The following CUL5 variants were observed in gnomAD, a reference collection of about 807,000 sequenced individuals.
CUL5 encodes the protein cullin-5.
Under a neutral mutation model 108.8 loss-of-function variants are expected in CUL5, and 26 were observed. The ratio of observed to expected loss-of-function variants is 0.24; its 90% CI spans 0.18 to 0.33. CUL5 has a LOEUF of 0.33. CUL5 is among the 10% of genes least tolerant of loss of function. The pLI is 1.00. For missense variants in CUL5, 524 were observed against 909.2 expected, an observed-to-expected ratio of 0.58 and a Z score of 5.45; for synonymous variants, 334 against 298.0, an observed-to-expected ratio of 1.12 and a Z score of -1.25.
chr11:108,018,415 C>T (rs551069757), intron 1 of CUL5, among the ~76,000 whole-genome samples: 1 of 152,004 alleles, frequency 6.6e-6, no homozygotes, highest in African/African-American at 2.4e-5. Context: ...GCCTATAATC[C>T]CAGCACTTTG....
chr11:108,040,256 G>A (rs757607474), intron 2 of CUL5, among the ~76,000 whole-genome samples: 6 of 152,154 alleles, frequency 3.9e-5, no homozygotes, highest in Non-Finnish European at 8.8e-5. Context: ...GAGGCTGGAG[G>A]ATTGCTTGAG....
intron 5 of CUL5, among the ~76,000 whole-genome samples, chr11:108,054,319 G>A (rs1023982119): frequency 6.6e-5 from 10 of 151,982 alleles, no homozygotes; most frequent in African/African-American, 1.7e-4. Context: ...ACTAATCTCC[G>A]TTTATGCAAA....
At chr11:108,096,663 T>C (rs1461360699) in intron 16 of CUL5, among the ~76,000 whole-genome samples, 1 of 147,656 alleles carries the variant, frequency 6.8e-6, no homozygotes, top group African/African-American at 2.5e-5. Flanking sequence ...GCCTCCAGGG[T>C]TTAAGCGATT....
At chr11:108,077,808 AGTG>A (rs1447301306) in intron 10 of CUL5, among the ~76,000 whole-genome samples, 1 of 151,880 alleles carries the variant, frequency 6.6e-6, no homozygotes, top group African/African-American at 2.4e-5. Context: ...AGCCTGATGT[AGTG>A]GTGGGCACCT....
intron 11 of CUL5, among the ~76,000 whole-genome samples, chr11:108,085,545 A>G (rs1465365705): frequency 6.6e-6 from 1 of 152,236 alleles, no homozygotes; most frequent in Non-Finnish European, 1.5e-5. Context: ...TAATGCCACT[A>G]AATTTTACAC....
At chr11:108,009,453 C>T (rs1396950089) in intron 1 of CUL5, 81 bp downstream of exon 1, 19 of 1,489,324 alleles carry the variant, frequency 1.3e-5, no homozygotes, top group Non-Finnish European at 1.8e-5. Context: ...TCAGGTTCAG[C>T]TGCGAAGTGT....
chr11:108,024,587 T>A (rs1487489825), intron 1 of CUL5, among the ~76,000 whole-genome samples: 2 of 152,176 alleles, frequency 1.3e-5, no homozygotes, highest in East Asian at 3.8e-4. Context: ...GATTTACACA[T>A]CTACGCTGAA....
intron 8 of CUL5, among the ~76,000 whole-genome samples, chr11:108,071,001 T>A (rs1863806395): frequency 1.3e-5 from 2 of 152,204 alleles, no homozygotes; most frequent in African/African-American, 4.8e-5. Flanking sequence ...CAAAAGGATT[T>A]ATTTAGTGGT....
intron 11 of CUL5, among the ~76,000 whole-genome samples, chr11:108,083,398 T>C (rs935222282): frequency 3.3e-5 from 5 of 152,242 alleles, no homozygotes; most frequent in Non-Finnish European, 5.9e-5. Flanking sequence ...TGTGAATCTT[T>C]ATCTACAAGA....
intron 11 of CUL5, among the ~76,000 whole-genome samples, chr11:108,078,858 A>G (rs1237587026): frequency 1.3e-5 from 2 of 151,998 alleles, no homozygotes; most frequent in Non-Finnish European, 2.9e-5. Context: ...ATAATCAGGT[A>G]TTTTTCATTT....
At chr11:108,069,966 T>C in intron 7 of CUL5, 130 bp from the exon 8 acceptor site, 1 of 534,278 alleles carries the variant, frequency 1.9e-6, no homozygotes, top group East Asian at 2.8e-5. Context: ...AATCCTATAG[T>C]TAAGGTAAGT....
chr11:108,065,440 A>T (rs905752539), intron 7 of CUL5, among the ~76,000 whole-genome samples: 1 of 152,196 alleles, frequency 6.6e-6, no homozygotes, highest in African/African-American at 2.4e-5. Flanking sequence ...ACTTTAGCTT[A>T]TAGTGCGAGG....
intron 7 of CUL5, among the ~76,000 whole-genome samples, chr11:108,059,136 C>T (rs1172055183): frequency 1.3e-5 from 2 of 152,206 alleles, no homozygotes; most frequent in African/African-American, 4.8e-5. Context: ...CCTCAGCCTC[C>T]TGAGTTGCTG....
chr11:108,090,383 G>A (rs1408884657), intron 13 of CUL5, among the ~76,000 whole-genome samples: 5 of 152,070 alleles, frequency 3.3e-5, no homozygotes, highest in Non-Finnish European at 7.4e-5. Context: ...CCAGCTACTT[G>A]GGAGGCTGAG....
intron 2 of CUL5, among the ~76,000 whole-genome samples, chr11:108,037,692 G>C (rs1862782554): frequency 6.6e-6 from 1 of 150,396 alleles, no homozygotes. Context: ...CTTTCTACTG[G>C]GGGCTCGTCA....
intron 7 of CUL5, among the ~76,000 whole-genome samples, chr11:108,057,358 A>G (rs893636529): frequency 2.0e-5 from 3 of 152,154 alleles, no homozygotes; most frequent in Admixed American, 6.5e-5. Context: ...ATGAAATAGG[A>G]TATTTGCATA....
intron 4 of CUL5, among the ~76,000 whole-genome samples, chr11:108,051,278 T>C (rs950263149): frequency 3.3e-5 from 5 of 152,238 alleles, no homozygotes; most frequent in Non-Finnish European, 7.3e-5. Flanking sequence ...TCCTCTTTTT[T>C]TGGCCATTCT....
intron 4 of CUL5, among the ~76,000 whole-genome samples, chr11:108,052,024 A>G (rs1457886688): frequency 6.6e-6 from 1 of 152,058 alleles, no homozygotes; most frequent in African/African-American, 2.4e-5. Flanking sequence ...AGAGTGGAAT[A>G]GTGTGATCTT....
rs1864313217 is a variant in CUL5, at chr11:108,090,041, A to AC, written c.1443+418_1443+419insC. 4.0e-5 allele frequency among the ~76,000 whole-genome samples: 6 copies of AC among 151,056 alleles called. No homozygotes were observed. The South Asian group carries it at 1.3e-3, about 32-fold the overall frequency. ...GGTAACAGAGTGGGACTCCATTTCA[A>AC]AAAAAAAAGAATATACCATCAATTA... On this transcript the variant is annotated intron_variant, in intron 13 of 18. Coordinates refer to ENST00000393094, the MANE Select transcript of CUL5 (RefSeq NM_003478.6).
Sources: gnomAD v4.1 joint callset for allele counts (sites outside exome capture counted in the v4.1 genomes callset) on GRCh38, gnomAD v4.1.1 for gene constraint, MANE v1.5 for transcripts, NCBI Gene and HGNC (gene_info 2026-07-23, HGNC 2026-07-21) for gene names.